The following TMEM19 variants were observed in gnomAD, a reference collection of about 807,000 sequenced individuals.
The protein encoded by TMEM19 is transmembrane protein 19.
Under a neutral mutation model 33.6 loss-of-function variants are expected in TMEM19, and 21 were observed. The observed-to-expected ratio is 0.62, with a 90% CI of 0.44 to 0.90. TMEM19 has a LOEUF of 0.90. Among genes scored for constraint, TMEM19 ranks in the 40% least tolerant of loss-of-function variants. TMEM19 has a pLI of 0.00. For synonymous variants in TMEM19, 149 were observed against 147.5 expected (o/e 1.01, Z -0.07); for missense variants, 402 against 401.8 (o/e 1.00, Z 0.00).
chr12:71,704,881 C>A lies in TMEM19; in HGVS notation c.*3886C>A, dbSNP rs779208746. On this transcript the variant is annotated 3_prime_UTR_variant, in exon 6 of 6. Coordinates refer to ENST00000266673, the MANE Select transcript of TMEM19 (RefSeq NM_018279.4). The stretch of plus-strand genomic sequence containing the variant: ...TTATTTAATCTCCTTTATGGAGTAT[C>A]TGTTTTTATAACTCCAAGTGGTTCT... 2.6e-5 allele frequency: 4 copies of A among 152,074 alleles called. No homozygotes were observed. Among genetic ancestry groups the A allele is most frequent in the Admixed American group, 6.6e-5 (1 of 15,258 alleles). The allele number at this position is 152,074 out of a possible 1,614,324, so 9.4% of individuals were successfully genotyped here.
At chr12:71,689,816 A>G (rs182390389) in intron 2 of TMEM19, 112 bp downstream of exon 2, 4 of 741,874 alleles carry the variant, frequency 5.4e-6, no homozygotes, top group East Asian at 2.7e-5. Context: ...TCACAGTTAT[A>G]TATTTTAGAC....
chr12:71,696,097 T>A (rs1037927894), intron 2 of TMEM19, among the ~76,000 whole-genome samples: 1 of 152,148 alleles, frequency 6.6e-6, no homozygotes, highest in African/African-American at 2.4e-5. Flanking sequence ...CTGGGCAGAT[T>A]GCTTGAGCCC....
rs1406747260 is a variant in TMEM19 at position 71,701,716 on chromosome 12, C to G, written c.*721C>G. ...TATAACTTACTATATGTTTCAGTTG[C>G]TCTCTGAACAAAAATTATCTTCAAT... On this transcript the variant is annotated 3_prime_UTR_variant, in exon 6 of 6. Transcript: ENST00000266673. The G allele has an allele frequency of 6.6e-6, 1 of 152,120 alleles. No homozygotes were observed. Among genetic ancestry groups the G allele is most frequent in the African/African-American group, 2.4e-5 (1 of 41,438 alleles). The allele number at this position is 152,120 out of a possible 1,614,324, so 9.4% of individuals were successfully genotyped here. A position where few individuals can be genotyped will look rare whatever the true frequency, so the allele number is the denominator to read the frequency against.
chr12:71,700,808 C>T (rs778979660), intron 5 of TMEM19, 24 bp from the exon 6 acceptor site: 4 of 1,519,394 alleles, frequency 2.6e-6, no homozygotes, highest in Non-Finnish European at 3.5e-6. Context: ...TTTTCTATCT[C>T]ACTTGCTTCT....
chr12:71,698,148 C>G (rs1881907755), intron 4 of TMEM19, among the ~76,000 whole-genome samples: 2 of 152,166 alleles, frequency 1.3e-5, no homozygotes, highest in African/African-American at 4.8e-5. Context: ...TCAACCTATA[C>G]TGCTTCTTTT....
chr12:71,686,571 T>C lies in TMEM19; in HGVS notation c.-110T>C, dbSNP rs1471796376. ...TTATGCTTGTTTGGTCGGTGGAATATGTTGGGATTTATGTTTGCCTCTGAA... is the reference window on the plus strand; with the variant it reads ...TTATGCTTGTTTGGTCGGTGGAATACGTTGGGATTTATGTTTGCCTCTGAA... On this transcript the variant is annotated 5_prime_UTR_variant, in exon 1 of 6. An upstream start codon of the reference 5' UTR is lost. Transcript: ENST00000266673. The C allele has an allele frequency of 2.4e-6, 3 of 1,228,466 alleles. No individual in the cohort carries two copies. Among genetic ancestry groups the C allele is most frequent in the Non-Finnish European group, 3.4e-6 (3 of 874,662 alleles). The allele number at this position is 1,228,466 out of a possible 1,614,324, so 76.1% of individuals were successfully genotyped here.
chr12:71,698,264 C>T (rs538226706), intron 4 of TMEM19, among the ~76,000 whole-genome samples: 1 of 152,098 alleles, frequency 6.6e-6, no homozygotes, highest in Non-Finnish European at 1.5e-5. Flanking sequence ...TCTTCATCAT[C>T]ATTGTAACAG....
chr12:71,692,718 G>T (rs778216016), intron 2 of TMEM19, among the ~76,000 whole-genome samples: 15 of 152,024 alleles, frequency 9.9e-5, no homozygotes, highest in South Asian at 4.1e-4. Context: ...AAGGAAATCT[G>T]CTAGATTATA....
chr12:71,697,623 A>G (rs1881898725), intron 4 of TMEM19, 89 bp downstream of exon 4: 15 of 1,474,232 alleles, frequency 1.0e-5, no homozygotes, highest in African/African-American at 1.5e-5. Context: ...AAACCTCTTG[A>G]TGTAATGTAT....
chr12:71,686,713 A>G lies in TMEM19; in HGVS notation c.33A>G (p.Arg11=), dbSNP rs1385811502. 3 of 1,611,708 alleles carry G rather than the reference A, an allele frequency of 1.9e-6. No homozygotes were observed. Residue 11 remains arginine (R), a synonymous_variant, in exon 1 of 6, where the codon AGA becomes AGG. Transcript: ENST00000266673. MTDLNDNICK[R]YIKMITNIVI... ...ATCTTAACGACAATATATGCAAAAG[A>G]TATATAAAGATGATAACTAATATAG...
intron 1 of TMEM19, 112 bp from the exon 2 acceptor site, chr12:71,689,479 G>A: frequency 1.3e-6 from 1 of 780,586 alleles, no homozygotes; most frequent in Non-Finnish European, 2.3e-6. Context: ...CTTCATCTTG[G>A]TGTTTGTACT....
At chr12:71,692,477 A>G (rs1881801188) in intron 2 of TMEM19, among the ~76,000 whole-genome samples, 1 of 152,224 alleles carries the variant, frequency 6.6e-6, no homozygotes, top group African/African-American at 2.4e-5. Context: ...TAGGCTTCTT[A>G]GTGCTTAATG....
At chr12:71,688,144 T>G (rs74104114) in intron 1 of TMEM19, among the ~76,000 whole-genome samples, 3,522 of 152,210 alleles carry the variant, frequency 0.023, 153 homozygotes, top group African/African-American at 0.08. Context: ...TCTGTGTACG[T>G]TTTTGTGTAT....
rs7299506 is a variant in TMEM19, at chr12:71,703,175, T to C, written c.*2180T>C. 1 of 93,884 alleles carries C rather than the reference T, an allele frequency of 1.1e-5. No individual in the cohort carries two copies. The highest frequency in any genetic ancestry group is 2.0e-5 in the Non-Finnish European group (1 of 49,066). 5.8% of individuals were successfully genotyped at this position (93,884 alleles called of 1,614,324 possible). A position where few individuals can be genotyped will look rare whatever the true frequency, so the allele number is the denominator to read the frequency against. ...CTGGGCAACAGAGGGAGACTCCATC[T>C]AGACTCCATCTCAAAAAAAAAAAAA... On this transcript the variant is annotated 3_prime_UTR_variant, in exon 6 of 6. Coordinates refer to ENST00000266673, the MANE Select transcript of TMEM19 (RefSeq NM_018279.4).
rs1294825550 is a variant in TMEM19, at chr12:71,686,306, A to G, written c.-375A>G. On this transcript the variant is annotated 5_prime_UTR_variant, in exon 1 of 6. Transcript: ENST00000266673. ...TGGCCTACCCGGCCCGCGGGTGAGA[A>G]GGTTGCGACGGGAGGTGGGTGGAAC... 4.1e-6 allele frequency: 1 copy of G among 245,396 alleles called. No homozygotes were observed. Among genetic ancestry groups the G allele is most frequent in the Non-Finnish European group, 8.0e-6 (1 of 125,588 alleles). 15.2% of individuals were successfully genotyped at this position (245,396 alleles called of 1,614,324 possible). A position where few individuals can be genotyped will look rare whatever the true frequency, so the allele number is the denominator to read the frequency against.
At chr12:71,693,597 A>G (rs1565852523) in intron 2 of TMEM19, among the ~76,000 whole-genome samples, 1 of 152,186 alleles carries the variant, frequency 6.6e-6, no homozygotes, top group Non-Finnish European at 1.5e-5. Flanking sequence ...TGGCATACAA[A>G]TATTTTATAG....
Position 71,703,488 on chromosome 12 carries a change from A to G in TMEM19, c.*2493A>G, listed in dbSNP as rs1882020833. 6.6e-6 allele frequency: 1 copy of G among 152,330 alleles called. No individual in the cohort carries two copies. Among genetic ancestry groups the G allele is most frequent in the Non-Finnish European group, 1.5e-5 (1 of 68,200 alleles). The allele number at this position is 152,330 out of a possible 1,614,324, so 9.4% of individuals were successfully genotyped here. A position where few individuals can be genotyped will look rare whatever the true frequency, so the allele number is the denominator to read the frequency against. ...CTGGAGATTTATCCTCATGACATAC[A>G]AGGGGACAAAAATATTTATTGGGAC... On this transcript the variant is annotated 3_prime_UTR_variant, in exon 6 of 6. Transcript: ENST00000266673.
At position 71,686,486 on chromosome 12, in the gene TMEM19, T is replaced by G; in HGVS notation, c.-195T>G. On this transcript the variant is annotated 5_prime_UTR_variant, in exon 1 of 6. Coordinates refer to ENST00000266673, the MANE Select transcript of TMEM19 (RefSeq NM_018279.4). ...TGCGGTGAGGCGTTGACCACGCCCA[T>G]ATGAATTGGAGCTCTCCGCCAGTAG... 1 of 520,428 alleles carries G rather than the reference T, an allele frequency of 1.9e-6. No homozygotes were observed. The highest frequency in any genetic ancestry group is 3.2e-6 in the Non-Finnish European group (1 of 308,826). 32.2% of individuals were successfully genotyped at this position (520,428 alleles called of 1,614,324 possible). A position where few individuals can be genotyped will look rare whatever the true frequency, so the allele number is the denominator to read the frequency against.
At position 71,703,856 on chromosome 12, in the gene TMEM19, G is replaced by A. The variant is rs773066873; in HGVS notation, c.*2861G>A. On this transcript the variant is annotated 3_prime_UTR_variant, in exon 6 of 6. Coordinates refer to ENST00000266673, the MANE Select transcript of TMEM19 (RefSeq NM_018279.4). Reference sequence around the variant, plus strand: ...TCATAGCTTTTTGGAGATGAGAATTGAGGATAAGAAATTGTGTCTCTGTCC... The same window carrying A: ...TCATAGCTTTTTGGAGATGAGAATTAAGGATAAGAAATTGTGTCTCTGTCC... 2.4e-4 allele frequency: 66 copies of A among 272,664 alleles called. No individual in the cohort carries two copies. Among genetic ancestry groups the A allele is most frequent in the Non-Finnish European group, 4.5e-4 (59 of 130,224 alleles). The allele number at this position is 272,664 out of a possible 1,614,324, so 16.9% of individuals were successfully genotyped here. A position where few individuals can be genotyped will look rare whatever the true frequency, so the allele number is the denominator to read the frequency against.
Sources: allele counts gnomAD v4.1 joint callset (sites outside exome capture counted in the v4.1 genomes callset), GRCh38; gene constraint gnomAD v4.1.1; transcripts MANE v1.5; gene names NCBI Gene and HGNC (gene_info 2026-07-23, HGNC 2026-07-21).